The following NEDD4 variants were observed in gnomAD, a reference collection of about 807,000 sequenced individuals.
NEDD4 encodes NEDD4 E3 ubiquitin protein ligase, also known as E3 ubiquitin-protein ligase NEDD4.
NEDD4 carries 99 observed loss-of-function variants against 144.9 expected under a neutral mutation model. The observed-to-expected ratio is 0.68, with a 90% CI of 0.58 to 0.81. The LOEUF is 0.81. Ranked by LOEUF, NEDD4 falls within the 30% of genes least tolerant of loss-of-function variation. The pLI is 0.00. For synonymous variants in NEDD4, 318 were observed against 350.6 expected, an observed-to-expected ratio of 0.91 and a Z score of 1.04; for missense variants, 985 against 1,065.9, an observed-to-expected ratio of 0.92 and a Z score of 1.06.
chr15:55,889,162 G>T (rs997971888), intron 5 of NEDD4, among the ~76,000 whole-genome samples: 2 of 152,136 alleles, frequency 1.3e-5, no homozygotes, highest in Admixed American at 6.6e-5. Flanking sequence ...TGGGGAGACA[G>T]CCCATAGATT....
intron 1 of NEDD4, among the ~76,000 whole-genome samples, chr15:55,969,150 G>C (rs1266222344): frequency 6.6e-6 from 1 of 152,140 alleles, no homozygotes; most frequent in African/African-American, 2.4e-5. Context: ...AGTGATTGTG[G>C]GACTTTGCAT....
intron 1 of NEDD4, among the ~76,000 whole-genome samples, chr15:55,977,725 T>G (rs1044515325): frequency 6.7e-6 from 1 of 150,220 alleles, no homozygotes; most frequent in Admixed American, 6.7e-5. Context: ...ATGGGAGATT[T>G]TATTTAATCT....
chr15:55,838,136 G>T lies in NEDD4; in HGVS notation c.2172C>A (p.Val724=). ...ELKNGGSEIV[V]TNKNKKEYIY... is the part of the protein sequence containing the mutation. ...TATATTCCTTTTTGTTCTTATTGGTGACAACTATTTCTGATCCACCATTTT... is the reference window on the plus strand; with the variant it reads ...TATATTCCTTTTTGTTCTTATTGGTTACAACTATTTCTGATCCACCATTTT... The change falls in exon 23 of 29, where the codon GTC becomes GTA. Residue 724 remains valine (V), a synonymous_variant. Transcript: ENST00000435532. 2 of 1,590,850 alleles carry T rather than the reference G, an allele frequency of 1.3e-6. No individual in the cohort carries two copies. The highest frequency in any genetic ancestry group is 2.3e-5 in the South Asian group (2 of 88,202).
intron 4 of NEDD4, chr15:55,934,860 C>CTTTTTTTTTTTT (rs564385465): frequency 2.5e-5 from 2 of 80,860 alleles, no homozygotes; most frequent in Non-Finnish European, 4.3e-5. Flanking sequence ...CAATGTTCTG[C>CTTTTTTTTTTTT]TTTTTTTTTT....
At chr15:55,929,660 T>C (rs568586479) in intron 4 of NEDD4, among the ~76,000 whole-genome samples, 4 of 152,314 alleles carry the variant, frequency 2.6e-5, no homozygotes, top group East Asian at 1.9e-4. Flanking sequence ...TAACATATAA[T>C]TGTTAAATGT....
chr15:55,976,789 T>C (rs113819591), intron 1 of NEDD4, among the ~76,000 whole-genome samples: 18,903 of 115,482 alleles, frequency 0.16, 1,305 homozygotes, highest in East Asian at 0.39. Flanking sequence ...CCACCACACC[T>C]GGCTAATTTT....
At position 55,968,697 on chromosome 15, in the gene NEDD4, T is replaced by C. The variant is rs538948747; in HGVS notation, c.46-2151A>G. On this transcript the variant is annotated intron_variant, in intron 1 of 28. Transcript: ENST00000435532. ...CACTGTTGGTGGGAGTGTAAATTGA[T>C]GGATCATTCTAAAGAGATGTTTGAC... is the stretch of plus-strand genomic sequence containing the variant. Among the ~76,000 whole-genome samples, 76 of 152,326 alleles carry C rather than the reference T, an allele frequency of 5.0e-4. 5 individuals carry two copies. The South Asian group carries it at 0.015, about 30-fold the overall frequency.
intron 11 of NEDD4, among the ~76,000 whole-genome samples, chr15:55,856,557 G>A (rs1431990776): frequency 6.6e-6 from 1 of 151,272 alleles, no homozygotes; most frequent in African/African-American, 2.4e-5. Context: ...TATCCTAAGA[G>A]GTTTCCCCGT....
intron 1 of NEDD4, among the ~76,000 whole-genome samples, chr15:55,986,557 G>A (rs1333240550): frequency 1.0e-4 from 15 of 147,058 alleles, no homozygotes; most frequent in African/African-American, 2.3e-4. Flanking sequence ...GAGAAACATC[G>A]TAGGATGTAA....
At chr15:55,915,482 A>G in intron 5 of NEDD4, 1 of 1,613,732 alleles carries the variant, frequency 6.2e-7, no homozygotes, top group Non-Finnish European at 8.5e-7. Flanking sequence ...GTAAAATACC[A>G]TGGTTTTTGT....
intron 2 of NEDD4, among the ~76,000 whole-genome samples, chr15:55,958,160 G>C (rs1295173712): frequency 2.0e-5 from 3 of 152,108 alleles, no homozygotes; most frequent in Non-Finnish European, 4.4e-5. Flanking sequence ...TTAATACAGT[G>C]TATTACATCA....
intron 1 of NEDD4, among the ~76,000 whole-genome samples, chr15:55,976,627 ATTT>A (rs1229977936): frequency 8.3e-6 from 1 of 120,862 alleles, no homozygotes; most frequent in African/African-American, 3.1e-5. Context: ...CTGGGCAAAA[ATTT>A]TTTTTTTTTT....
intron 1 of NEDD4, among the ~76,000 whole-genome samples, chr15:55,983,317 T>C (rs1053147986): frequency 1.3e-5 from 2 of 152,176 alleles, no homozygotes; most frequent in African/African-American, 4.8e-5. Flanking sequence ...CGCGCGTGCG[T>C]GCATTTGATT....
At chr15:55,925,647 T>G (rs925665802) in intron 4 of NEDD4, among the ~76,000 whole-genome samples, 2 of 152,180 alleles carry the variant, frequency 1.3e-5, no homozygotes, top group African/African-American at 2.4e-5. Flanking sequence ...CACTGTGATA[T>G]CTTAAAACAT....
chr15:55,983,264 A>G (rs2037832727), intron 1 of NEDD4, among the ~76,000 whole-genome samples: 1 of 143,918 alleles, frequency 6.9e-6, no homozygotes, highest in Admixed American at 6.9e-5. Context: ...TATGAAAAAT[A>G]ATGTTGATGA....
At chr15:55,989,605 G>A (rs1175475580) in intron 1 of NEDD4, among the ~76,000 whole-genome samples, 1 of 152,150 alleles carries the variant, frequency 6.6e-6, no homozygotes, top group Non-Finnish European at 1.5e-5. Flanking sequence ...TTCTGTATGT[G>A]CAAACTGCAC....
intron 5 of NEDD4, 108 bp from the exon 6 acceptor site, chr15:55,874,116 T>G (rs1752443321): frequency 1.7e-6 from 1 of 572,580 alleles, no homozygotes; most frequent in African/African-American, 1.9e-5. Flanking sequence ...TTTTTTTTTA[T>G]TCAGTCATAT....
chr15:55,936,648 T>C (rs1172783379), intron 4 of NEDD4, among the ~76,000 whole-genome samples: 3 of 152,188 alleles, frequency 2.0e-5, no homozygotes, highest in Non-Finnish European at 2.9e-5. Context: ...CTGCAGAATG[T>C]AGGAAATGGG....
intron 5 of NEDD4, among the ~76,000 whole-genome samples, chr15:55,901,993 A>C (rs1165036210): frequency 6.6e-6 from 1 of 152,122 alleles, no homozygotes; most frequent in Non-Finnish European, 1.5e-5. Context: ...CATAGAGTAC[A>C]TTTTCACCTC....
Sources: allele counts gnomAD v4.1 joint callset (sites outside exome capture counted in the v4.1 genomes callset), GRCh38; gene constraint gnomAD v4.1.1; transcripts MANE v1.5; gene names NCBI Gene and HGNC (gene_info 2026-07-23, HGNC 2026-07-21).